The following AGBL1 variants were observed in gnomAD, a reference collection of about 807,000 sequenced individuals.
The protein encoded by AGBL1 is AGBL carboxypeptidase 1, also known as cytosolic carboxypeptidase 4.
A neutral mutation model predicts 118.9 loss-of-function variants in AGBL1; 130 were observed. The observed-to-expected ratio is 1.09, with a 90% CI of 0.95 to 1.26. AGBL1 has a LOEUF of 1.26. AGBL1 is among the 50% of genes most tolerant of loss of function. The pLI is 0.00. For missense variants in AGBL1, 1,584 were observed against 1,298.1 expected (o/e 1.22, Z -3.38); for synonymous variants, 555 against 478.9 (o/e 1.16, Z -2.08).
intron 22 of AGBL1, among the ~76,000 whole-genome samples, chr15:86,904,771 A>C (rs11632953): frequency 0.36 from 53,712 of 151,072 alleles, 12,375 homozygotes; most frequent in African/African-American, 0.66. Flanking sequence ...ATATAAAAAT[A>C]TTTTAAAAAT....
chr15:86,557,691 T>C (rs541716489), intron 21 of AGBL1, among the ~76,000 whole-genome samples: 38 of 152,344 alleles, frequency 2.5e-4, no homozygotes, highest in Admixed American at 2.0e-3. Context: ...TGTGTCTCGA[T>C]AAAATCCACC....
At chr15:86,189,670 G>A (rs1201432302) in intron 5 of AGBL1, among the ~76,000 whole-genome samples, 1 of 151,958 alleles carries the variant, frequency 6.6e-6, no homozygotes, top group Admixed American at 6.6e-5. Context: ...GCACATTCTG[G>A]CTCCCCTTCA....
chr15:86,530,232 C>T (rs1205384209), intron 19 of AGBL1, among the ~76,000 whole-genome samples: 1 of 135,112 alleles, frequency 7.4e-6, no homozygotes, highest in Non-Finnish European at 1.5e-5. Flanking sequence ...TGCAGAGACA[C>T]ACATAGGCTG....
chr15:86,702,176 G>C (rs1410313813), intron 22 of AGBL1, among the ~76,000 whole-genome samples: 1 of 152,020 alleles, frequency 6.6e-6, no homozygotes, highest in African/African-American at 2.4e-5. Context: ...AGTAAAGAGA[G>C]GTTTACTTTT....
chr15:86,874,566 C>G (rs960572392), intron 22 of AGBL1, among the ~76,000 whole-genome samples: 2 of 152,112 alleles, frequency 1.3e-5, no homozygotes, highest in African/African-American at 4.8e-5. Context: ...GAGCCCCTGC[C>G]ACAGCACCTG....
intron 1 of AGBL1, among the ~76,000 whole-genome samples, chr15:86,095,193 G>A (rs1417781634): frequency 6.6e-6 from 1 of 152,148 alleles, no homozygotes; most frequent in African/African-American, 2.4e-5. Context: ...GCAGGTGGAT[G>A]TGTTCAACAA....
At position 86,264,540 on chromosome 15, in the gene AGBL1, C is replaced by A; in HGVS notation, c.1369C>A (p.Pro457Thr). The A allele has an allele frequency of 6.2e-7, 1 of 1,613,980 alleles. No individual in the cohort carries two copies. The highest frequency in any genetic ancestry group is 8.5e-7 in the Non-Finnish European group (1 of 1,179,876). ...GAGAGATTCTTCTGAAAGTGAAATC[C>A]CTGACATTCAGGCTTCCCCGAAAGC... ...LRRDSSESEI[P>T]DIQASPKADA... is the part of the protein sequence containing the mutation. Residue 457 changes from proline (P) to threonine (T), a missense_variant, in exon 11 of 23, where the codon CCT becomes ACT. By Grantham distance (38) the Pro-to-Thr change is conservative. Transcript: ENST00000614907.
At chr15:86,863,652 T>C (rs923321958) in intron 22 of AGBL1, among the ~76,000 whole-genome samples, 2 of 152,214 alleles carry the variant, frequency 1.3e-5, no homozygotes, top group Non-Finnish European at 2.9e-5. Flanking sequence ...TCCTATTGTT[T>C]ATTAGATGGG....
intron 22 of AGBL1, among the ~76,000 whole-genome samples, chr15:86,820,527 A>G (rs2078925739): frequency 6.6e-6 from 1 of 152,240 alleles, no homozygotes. Flanking sequence ...AAGGATATGA[A>G]CAAACACTTC....
intron 24 of AGBL1, among the ~76,000 whole-genome samples, chr15:87,017,643 G>A (rs2081620955): frequency 6.6e-6 from 1 of 152,040 alleles, no homozygotes; most frequent in African/African-American, 2.4e-5. Context: ...CCTTTCCAGG[G>A]TCAGCAGCCT....
chr15:86,111,132 T>C lies in AGBL1; in HGVS notation c.52-30872T>C, dbSNP rs1269439198. On this transcript the variant is annotated intron_variant, in intron 1 of 22. Transcript: ENST00000614907. ...AGCTGGGCTCAGGCCAATGCCCCGG[T>C]TGGTCCTGAGCGTCTCCTGTTTTTG... Among the ~76,000 whole-genome samples the C allele has an allele frequency of 3.9e-5, 6 of 152,342 alleles. No homozygotes were observed. In the East Asian group the frequency reaches 9.6e-4, roughly 24 times the overall value.
In AGBL1 at chr15:86,545,994, T is replaced by G; in HGVS notation, c.2686-8T>G. 4.3e-6 allele frequency: 7 copies of G among 1,611,806 alleles called. No individual in the cohort carries two copies. Among genetic ancestry groups the G allele is most frequent in the Non-Finnish European group, 5.9e-6 (7 of 1,178,432 alleles). On this transcript the variant is annotated splice_polypyrimidine_tract_variant and splice_region_variant and intron_variant, in intron 19 of 22. Coordinates refer to ENST00000614907, the MANE Select transcript of AGBL1 (RefSeq NM_001386094.1). ...GGTTTTATTTTCTCCTTTGTTGGGC[T>G]ATTGTAGGTTTTCTGTGACTTCCAT...
intron 23 of AGBL1, among the ~76,000 whole-genome samples, chr15:86,925,125 AGAG>A (rs1281845880): frequency 4.0e-4 from 17 of 42,666 alleles, no homozygotes; most frequent in Middle Eastern, 0.014. Flanking sequence ...AAGAAGAAGA[AGAG>A]GAAGAGGAAG....
At chr15:86,650,900 T>C (rs2085358537) in intron 21 of AGBL1, among the ~76,000 whole-genome samples, 1 of 152,214 alleles carries the variant, frequency 6.6e-6, no homozygotes, top group Admixed American at 6.5e-5. Flanking sequence ...AGGTTTGATT[T>C]GGGGATTTCA....
intron 21 of AGBL1, among the ~76,000 whole-genome samples, chr15:86,596,593 CT>C (rs34745395): frequency 8.6e-5 from 13 of 151,688 alleles, no homozygotes; most frequent in East Asian, 1.9e-4. Context: ...ACTTCTCTCT[CT>C]TTTTTTTTCC....
At chr15:86,565,182 G>A (rs767315769) in intron 21 of AGBL1, among the ~76,000 whole-genome samples, 17 of 152,332 alleles carry the variant, frequency 1.1e-4, no homozygotes, top group Admixed American at 3.3e-4. Context: ...GAGGAGCTGC[G>A]TTCCTTTGGA....
intron 23 of AGBL1, among the ~76,000 whole-genome samples, chr15:86,974,466 A>G: frequency 1.6e-5 from 2 of 123,294 alleles, no homozygotes; most frequent in Non-Finnish European, 1.7e-5. Flanking sequence ...GAATATAAAC[A>G]TATTTTATAT....
intron 17 of AGBL1, among the ~76,000 whole-genome samples, chr15:86,323,691 A>G (rs1024473577): frequency 3.3e-5 from 5 of 152,200 alleles, no homozygotes; most frequent in Admixed American, 3.3e-4. Context: ...AGGTATAGAC[A>G]ATCTAAAAAG....
At chr15:86,698,120 A>T (rs184960715) in intron 22 of AGBL1, among the ~76,000 whole-genome samples, 1 of 151,772 alleles carries the variant, frequency 6.6e-6, no homozygotes, top group East Asian at 1.9e-4. Flanking sequence ...ATTTTTTCCT[A>T]CCCCTTCTTT....
Sources: allele counts gnomAD v4.1 joint callset (sites outside exome capture counted in the v4.1 genomes callset), GRCh38; gene constraint gnomAD v4.1.1; transcripts MANE v1.5; gene names NCBI Gene and HGNC (gene_info 2026-07-23, HGNC 2026-07-21).